Variants in ZNF420 observed in about 807,000 individuals in gnomAD.
ZNF420 encodes ATM and p53-associated KZNF protein.
ZNF420 carries 31 observed loss-of-function variants against 44.7 expected under a neutral mutation model. That is an observed-to-expected ratio of 0.69 (90% CI 0.52 to 0.94). ZNF420 has a LOEUF of 0.94. Among genes scored for constraint, ZNF420 ranks in the 40% least tolerant of loss-of-function variants. ZNF420 has a pLI of 0.00. For missense variants in ZNF420, 681 were observed against 827.9 expected, an observed-to-expected ratio of 0.82 and a Z score of 2.18; for synonymous variants, 245 against 267.4, an observed-to-expected ratio of 0.92 and a Z score of 0.82.
At chr19:37,047,205 A>G (rs1446087636) in intron 1 of ZNF420, among the ~76,000 whole-genome samples, 2 of 152,258 alleles carry the variant, frequency 1.3e-5, no homozygotes, top group Non-Finnish European at 2.9e-5. Flanking sequence ...TATGGTCTGA[A>G]TGTGTCTCCC....
upstream of ZNF420, among the ~76,000 whole-genome samples, chr19:37,076,642 C>A (rs543463018): frequency 5.5e-4 from 83 of 152,162 alleles, no homozygotes; most frequent in Non-Finnish European, 1.1e-3. Context: ...TCTGTCCTTG[C>A]GATAGTTTGC....
intron 1 of ZNF420, among the ~76,000 whole-genome samples, chr19:37,057,468 C>G (rs1293839525): frequency 6.8e-6 from 1 of 148,130 alleles, no homozygotes; most frequent in Non-Finnish European, 1.5e-5. Flanking sequence ...TCTTATCTCT[C>G]TGTCTCTCAC....
Position 37,121,628 on chromosome 19 carries a change from A to G in ZNF420, c.137-5500A>G, listed in dbSNP as rs553553873. ...ACAAAAGCCAAAACTGACAAATGGG[A>G]TCTAATTAAACTAAAGAGCTTCTGC... is the stretch of plus-strand genomic sequence containing the variant. On this transcript the variant is annotated intron_variant, in intron 4 of 4. Coordinates refer to ENST00000337995, the MANE Select transcript of ZNF420 (RefSeq NM_144689.5). Among the ~76,000 whole-genome samples the G allele has an allele frequency of 1.2e-3, 182 of 152,340 alleles. 1 individual carries two copies. The highest frequency in any genetic ancestry group is 4.3e-3 in the African/African-American group (180 of 41,582).
rs1156986352 is a variant in ZNF420, at chr19:37,130,298, A to T, written c.*1240A>T. 1.4e-6 allele frequency: 2 copies of T among 1,413,044 alleles called. No individual in the cohort carries two copies. Among genetic ancestry groups the T allele is most frequent in the Non-Finnish European group, 1.9e-6 (2 of 1,080,708 alleles). 87.5% of individuals were successfully genotyped at this position (1,413,044 alleles called of 1,614,324 possible). ...TTGCCTCCTGTTTCTCTTTAAATAA[A>T]ATTAAACATCTTATTTGTTGATGCT... is the stretch of plus-strand genomic sequence containing the variant. On this transcript the variant is annotated 3_prime_UTR_variant, in exon 5 of 5. Coordinates refer to ENST00000337995, the MANE Select transcript of ZNF420 (RefSeq NM_144689.5).
intron 1 of ZNF420, among the ~76,000 whole-genome samples, chr19:37,011,698 C>G (rs1180437071): frequency 6.6e-6 from 1 of 152,118 alleles, no homozygotes; most frequent in East Asian, 1.9e-4. Flanking sequence ...CACCTGTGCC[C>G]CCCTTCCACC....
At chr19:37,062,152 T>C (rs1967889498) in intron 1 of ZNF420, among the ~76,000 whole-genome samples, 1 of 152,204 alleles carries the variant, frequency 6.6e-6, no homozygotes. Flanking sequence ...ATGGACAGAA[T>C]AGTTGTGTGT....
chr19:37,055,399 C>T (rs1402689131), intron 1 of ZNF420, among the ~76,000 whole-genome samples: 1 of 152,210 alleles, frequency 6.6e-6, no homozygotes, highest in African/African-American at 2.4e-5. Flanking sequence ...TGAAGCTCCT[C>T]CTCCACCGGT....
chr19:37,048,162 A>AC (rs1967574113), intron 1 of ZNF420, among the ~76,000 whole-genome samples: 1 of 152,194 alleles, frequency 6.6e-6, no homozygotes, highest in East Asian at 1.9e-4. Flanking sequence ...GCAAGAGCAG[A>AC]CCTATGTAGA....
chr19:37,121,198 G>A (rs532298703), intron 4 of ZNF420, among the ~76,000 whole-genome samples: 1,604 of 146,264 alleles, frequency 0.011, 60 homozygotes, highest in African/African-American at 0.04. Context: ...CAAAGCTGGA[G>A]GCATCATGCT....
chr19:37,017,596 T>G (rs909425011), intron 1 of ZNF420, among the ~76,000 whole-genome samples: 7 of 152,190 alleles, frequency 4.6e-5, no homozygotes, highest in African/African-American at 1.7e-4. Context: ...GCAAAAAGTT[T>G]CAACCAATTT....
At chr19:37,123,694 C>T (rs1305811204) in intron 4 of ZNF420, among the ~76,000 whole-genome samples, 1 of 149,320 alleles carries the variant, frequency 6.7e-6, no homozygotes, top group South Asian at 2.1e-4. Flanking sequence ...ACCTCCACCT[C>T]CTGGTTCAAG....
In ZNF420 at chr19:37,053,315, T is replaced by C. The variant is rs555592337; in HGVS notation, c.-124-27030T>C. On this transcript the variant is annotated intron_variant, in intron 1 of 4. Coordinates refer to the ZNF420 transcript ENST00000587029. ...TTTGCCATGGGTTCAAACTTCCTCC[T>C]TTAGCTCAGAGTAGTTTGATCATCT... Among the ~76,000 whole-genome samples, 4 of 152,344 alleles carry C rather than the reference T, an allele frequency of 2.6e-5. No individual in the cohort carries two copies. In the South Asian group the frequency reaches 8.3e-4, roughly 32 times the overall value.
chr19:37,063,491 C>A (rs8110158), intron 1 of ZNF420, among the ~76,000 whole-genome samples: 84,615 of 150,968 alleles, frequency 0.56, 25,308 homozygotes, highest in African/African-American at 0.76. Context: ...GTCTCACTTG[C>A]ATAAGTGCCT....
rs1475914809 is a variant in ZNF420 at position 37,128,583 on chromosome 19, A to G, written c.1592A>G (p.Tyr531Cys). 5 of 1,613,704 alleles carry G rather than the reference A, an allele frequency of 3.1e-6. No homozygotes were observed. The highest frequency in any genetic ancestry group is 1.7e-6 in the Non-Finnish European group (2 of 1,179,884). Residue 531 changes from tyrosine to cysteine, a missense_variant, in exon 5 of 5, where the codon TAT becomes TGT. By Grantham distance (194) the Tyr-to-Cys change is radical. Transcript: ENST00000337995. ...HQRLHTGEKP[Y>C]VCNECGKAFA... ...AGACTTCACACTGGTGAGAAACCCTATGTGTGTAATGAATGTGGAAAGGCC... is the reference window on the plus strand; with the variant it reads ...AGACTTCACACTGGTGAGAAACCCTGTGTGTGTAATGAATGTGGAAAGGCC...
chr19:37,071,308 C>T (rs1005951486), intron 1 of ZNF420, among the ~76,000 whole-genome samples: 1 of 151,986 alleles, frequency 6.6e-6, no homozygotes, highest in Non-Finnish European at 1.5e-5. Flanking sequence ...GACAAAAAAG[C>T]GAGTCACAGA....
intron 4 of ZNF420, chr19:37,108,497 C>T (rs746213660): frequency 2.6e-5 from 4 of 152,174 alleles, no homozygotes; most frequent in Non-Finnish European, 4.4e-5. Context: ...CATATAAGGG[C>T]GCTTTATACA....
At chr19:37,017,540 C>G (rs2074616827) in intron 1 of ZNF420, among the ~76,000 whole-genome samples, 1 of 152,112 alleles carries the variant, frequency 6.6e-6, no homozygotes, top group South Asian at 2.1e-4. Context: ...TGTAATATAT[C>G]ACATTAAGAG....
chr19:37,095,129 CAAAA>C (rs57353744), intron 4 of ZNF420, among the ~76,000 whole-genome samples: 4 of 63,384 alleles, frequency 6.3e-5, no homozygotes, highest in Admixed American at 1.7e-4. Flanking sequence ...GACTCTGTCT[CAAAA>C]AAAAAAAAAA....
At chr19:37,038,059 G>T (rs1438942005) in intron 1 of ZNF420, among the ~76,000 whole-genome samples, 3 of 152,034 alleles carry the variant, frequency 2.0e-5, no homozygotes, top group Non-Finnish European at 4.4e-5. Context: ...GAACCCCGGA[G>T]GCAGAGGTTT....
Sources: gnomAD v4.1 joint callset for allele counts (sites outside exome capture counted in the v4.1 genomes callset) on GRCh38, gnomAD v4.1.1 for gene constraint, MANE v1.5 for transcripts, NCBI Gene and HGNC (gene_info 2026-07-23, HGNC 2026-07-21) for gene names.